Variants in ROBO1 observed in about 807,000 individuals in gnomAD.
ROBO1 encodes roundabout guidance receptor 1.
ROBO1 carries 149 observed loss-of-function variants against 195.9 expected under a neutral mutation model. The ratio of observed to expected loss-of-function variants is 0.76; its 90% CI spans 0.67 to 0.87. The LOEUF (loss-of-function observed/expected upper bound fraction) is 0.87, where lower values mean the gene tolerates loss of function less well. Among genes scored for constraint, ROBO1 ranks in the 40% least tolerant of loss-of-function variants. The pLI is 0.00. For missense variants in ROBO1, 1,933 were observed against 2,068.3 expected, an observed-to-expected ratio of 0.93 and a Z score of 1.27; for synonymous variants, 816 against 733.2, an observed-to-expected ratio of 1.11 and a Z score of -1.82.
intron 3 of ROBO1, among the ~76,000 whole-genome samples, chr3:79,065,931 T>C (rs4234348): frequency 0.99 from 150,212 of 151,992 alleles, 74,260 homozygotes; most frequent in Middle Eastern, 1. Flanking sequence ...TACAATTTTT[T>C]AACCCCCTAA....
chr3:79,454,427 A>G (rs1352388035), intron 2 of ROBO1, among the ~76,000 whole-genome samples: 1 of 152,112 alleles, frequency 6.6e-6, no homozygotes, highest in Non-Finnish European at 1.5e-5. Flanking sequence ...ATGAGCATTG[A>G]CTTACAGACG....
intron 2 of ROBO1, among the ~76,000 whole-genome samples, chr3:79,519,991 T>C (rs1941138116): frequency 6.6e-6 from 1 of 151,706 alleles, no homozygotes. Flanking sequence ...AGCCCCGCTG[T>C]GTAGAAAAAA....
chr3:79,308,429 C>T (rs1337751288), intron 2 of ROBO1, among the ~76,000 whole-genome samples: 2 of 152,102 alleles, frequency 1.3e-5, no homozygotes, highest in Non-Finnish European at 2.9e-5. Context: ...TTTTCAGAAA[C>T]AGCCACCAGA....
At position 79,714,384 on chromosome 3, in the gene ROBO1, C is replaced by A. The variant is rs181686198; in HGVS notation, c.-51+53368G>T. On this transcript the variant is annotated intron_variant, in intron 1 of 30. Transcript: ENST00000464233. ...GAGAGGATGTGGAGAAATAGGAACA[C>A]TTTTACACTGTTGGTGGGAATGTAA... is the stretch of plus-strand genomic sequence containing the variant. Among the ~76,000 whole-genome samples the A allele has an allele frequency of 1.6e-4, 25 of 152,220 alleles. 2 individuals are homozygous for A. The East Asian group carries it at 4.6e-3, about 28-fold the overall frequency.
intron 2 of ROBO1, among the ~76,000 whole-genome samples, chr3:79,189,774 A>G (rs1051402309): frequency 5.3e-5 from 8 of 151,744 alleles, no homozygotes; most frequent in Non-Finnish European, 1.2e-4. Context: ...CTGAGTTTTA[A>G]GTTTAATTTG....
At chr3:79,621,132 T>C (rs1462846249) in intron 1 of ROBO1, among the ~76,000 whole-genome samples, 4 of 152,178 alleles carry the variant, frequency 2.6e-5, no homozygotes, top group South Asian at 4.1e-4. Flanking sequence ...CTGACCCTGA[T>C]ACCATCAGTC....
chr3:79,175,732 A>G (rs765906648), intron 2 of ROBO1, among the ~76,000 whole-genome samples: 7 of 152,168 alleles, frequency 4.6e-5, no homozygotes, highest in Admixed American at 1.3e-4. Flanking sequence ...GCCATGTGAC[A>G]TATTTGGCCA....
chr3:78,841,794 TGAGA>T (rs2033225156), intron 4 of ROBO1, among the ~76,000 whole-genome samples: 1 of 152,064 alleles, frequency 6.6e-6, no homozygotes, highest in Non-Finnish European at 1.5e-5. Context: ...AAAAGACGAA[TGAGA>T]GAAACATGGA....
At chr3:79,143,414 G>A (rs2080573028) in intron 2 of ROBO1, among the ~76,000 whole-genome samples, 1 of 151,920 alleles carries the variant, frequency 6.6e-6, no homozygotes, top group South Asian at 2.1e-4. Flanking sequence ...AATAACACAG[G>A]AAATAAAAAA....
intron 4 of ROBO1, among the ~76,000 whole-genome samples, chr3:78,781,064 G>T (rs1477536212): frequency 6.6e-6 from 1 of 152,058 alleles, no homozygotes; most frequent in Non-Finnish European, 1.5e-5. Flanking sequence ...ACCTCATATA[G>T]TTGAACCCTA....
At chr3:79,624,062 A>C (rs973953248) in intron 1 of ROBO1, among the ~76,000 whole-genome samples, 5 of 152,198 alleles carry the variant, frequency 3.3e-5, no homozygotes, top group Non-Finnish European at 5.9e-5. Context: ...TAAAGAAAAT[A>C]ATTTTCAACC....
rs192524496 is a variant in ROBO1 at position 78,601,227 on chromosome 3, C to T, written c.4745-918G>A. On this transcript the variant is annotated intron_variant, in intron 29 of 30. Transcript: ENST00000464233. ...GAAGCCTGATTTCCCTTGAAGTTCC[C>T]GCTGACGTTCTCTGTAGTGGAAGGG... is the stretch of plus-strand genomic sequence containing the variant. Among the ~76,000 whole-genome samples the T allele has an allele frequency of 2.2e-3, 336 of 152,276 alleles. 1 individual carries two copies. Among genetic ancestry groups the T allele is most frequent in the Admixed American group, 5.1e-3 (78 of 15,290 alleles).
intron 2 of ROBO1, among the ~76,000 whole-genome samples, chr3:79,216,797 G>C (rs1251307316): frequency 6.6e-6 from 1 of 151,930 alleles, no homozygotes; most frequent in African/African-American, 2.4e-5. Context: ...GCTGGAATAA[G>C]GTAAAAATAT....
chr3:79,505,760 G>A (rs1409032455), intron 2 of ROBO1, among the ~76,000 whole-genome samples: 1 of 152,174 alleles, frequency 6.6e-6, no homozygotes, highest in East Asian at 1.9e-4. Flanking sequence ...GATAACATAA[G>A]GTAGACTGTT....
chr3:78,952,024 C>A (rs1379207409), intron 3 of ROBO1, among the ~76,000 whole-genome samples: 1 of 151,478 alleles, frequency 6.6e-6, no homozygotes, highest in Non-Finnish European at 1.5e-5. Flanking sequence ...TCTATCATGA[C>A]ATTAATATTT....
chr3:79,407,477 AC>A (rs1339221544), intron 2 of ROBO1, among the ~76,000 whole-genome samples: 1 of 152,146 alleles, frequency 6.6e-6, no homozygotes, highest in African/African-American at 2.4e-5. Context: ...ACTTTTATAA[AC>A]CTGAAGAATA....
At chr3:78,813,568 C>T (rs980828005) in intron 4 of ROBO1, among the ~76,000 whole-genome samples, 1 of 152,064 alleles carries the variant, frequency 6.6e-6, no homozygotes, top group African/African-American at 2.4e-5. Context: ...CAGAATCGTT[C>T]TGTTTAACCA....
intron 3 of ROBO1, among the ~76,000 whole-genome samples, chr3:78,995,670 A>T (rs961061038): frequency 3.5e-4 from 4 of 11,450 alleles, no homozygotes; most frequent in South Asian, 9.3e-3. Flanking sequence ...GGAGGCAGAG[A>T]CCGGAGGATC....
chr3:79,075,497 G>T (rs1247979356), intron 3 of ROBO1, among the ~76,000 whole-genome samples: 1 of 151,904 alleles, frequency 6.6e-6, no homozygotes, highest in Admixed American at 6.6e-5. Context: ...AGTGTAGGAG[G>T]TTTTCTGGGG....
Sources: allele counts gnomAD v4.1 joint callset (sites outside exome capture counted in the v4.1 genomes callset), GRCh38; gene constraint gnomAD v4.1.1; transcripts MANE v1.5; gene names NCBI Gene and HGNC (gene_info 2026-07-23, HGNC 2026-07-21).